The following EYA1 variants were observed in gnomAD, a reference collection of about 807,000 sequenced individuals.
EYA1 encodes the protein protein phosphatase EYA1.
Under a neutral mutation model 82.0 loss-of-function variants are expected in EYA1, and 16 were observed. The observed-to-expected ratio is 0.20, with a 90% CI of 0.13 to 0.30. The LOEUF is 0.30. Ranked by LOEUF, EYA1 falls within the 10% of genes least tolerant of loss-of-function variation. The pLI is 1.00. For missense variants in EYA1, 633 were observed against 730.7 expected, an observed-to-expected ratio of 0.87 and a Z score of 1.54; for synonymous variants, 261 against 264.4, an observed-to-expected ratio of 0.99 and a Z score of 0.12.
chr8:71,429,618 G>T (rs145425030), intron 2 of EYA1, among the ~76,000 whole-genome samples: 11 of 151,900 alleles, frequency 7.2e-5, no homozygotes, highest in Non-Finnish European at 1.5e-4. Flanking sequence ...AAAAACAAAG[G>T]CTTACTCAGA....
intron 2 of EYA1, among the ~76,000 whole-genome samples, chr8:71,405,302 A>G (rs555887077): frequency 3.3e-5 from 5 of 152,330 alleles, no homozygotes; most frequent in African/African-American, 1.2e-4. Flanking sequence ...ATGATTGCTC[A>G]AGACCCTTCA....
chr8:71,285,558 C>T (rs1006528222), intron 9 of EYA1, among the ~76,000 whole-genome samples: 1 of 152,138 alleles, frequency 6.6e-6, no homozygotes, highest in Admixed American at 6.5e-5. Context: ...GAATAACAGG[C>T]CTGCCTATTC....
At chr8:71,503,286 G>C (rs1490691021) in intron 2 of EYA1, among the ~76,000 whole-genome samples, 2 of 151,942 alleles carry the variant, frequency 1.3e-5, no homozygotes, top group African/African-American at 2.4e-5. Context: ...ACGAGGTCAA[G>C]GGTTCGAGAA....
At chr8:71,202,248 T>TTA (rs1754837160) in intron 17 of EYA1, among the ~76,000 whole-genome samples, 1 of 147,638 alleles carries the variant, frequency 6.8e-6, no homozygotes, top group Admixed American at 6.7e-5. Context: ...AAAAGGGAAC[T>TTA]AAAAAAAAAA....
chr8:71,255,434 T>A (rs1814286843), intron 11 of EYA1, among the ~76,000 whole-genome samples: 2 of 152,136 alleles, frequency 1.3e-5, no homozygotes, highest in South Asian at 4.1e-4. Flanking sequence ...AGACCAGAAA[T>A]AAGCCCTCAC....
At chr8:71,236,367 T>A (rs1811834456) in intron 12 of EYA1, among the ~76,000 whole-genome samples, 1 of 152,180 alleles carries the variant, frequency 6.6e-6, no homozygotes, top group African/African-American at 2.4e-5. Flanking sequence ...GCCATACATG[T>A]TGAAGAGGTA....
chr8:71,400,930 T>C (rs932317647), intron 2 of EYA1, among the ~76,000 whole-genome samples: 4 of 152,152 alleles, frequency 2.6e-5, no homozygotes, highest in Non-Finnish European at 5.9e-5. Context: ...ATGTGGTACG[T>C]ATACACCATG....
At chr8:71,346,162 G>A (rs1377049521) in intron 3 of EYA1, among the ~76,000 whole-genome samples, 2 of 151,990 alleles carry the variant, frequency 1.3e-5, no homozygotes, top group African/African-American at 2.4e-5. Flanking sequence ...TCACCAGCAT[G>A]CGTCCCCACA....
intron 2 of EYA1, among the ~76,000 whole-genome samples, chr8:71,494,625 G>A (rs1035878449): frequency 9.9e-5 from 15 of 152,128 alleles, no homozygotes; most frequent in African/African-American, 3.1e-4. Context: ...TAATTTGCTC[G>A]GTTTCAAAAG....
chr8:71,545,879 C>T (rs868452148), intron 1 of EYA1, among the ~76,000 whole-genome samples: 4 of 152,186 alleles, frequency 2.6e-5, no homozygotes, highest in Middle Eastern at 6.8e-3. Flanking sequence ...TATCTTAATT[C>T]GCACTTTTCT....
intron 2 of EYA1, among the ~76,000 whole-genome samples, chr8:71,384,749 G>C (rs1316464109): frequency 6.6e-6 from 1 of 152,090 alleles, no homozygotes; most frequent in Non-Finnish European, 1.5e-5. Flanking sequence ...TCTTAGAAAG[G>C]CAAAAGGCAA....
intron 9 of EYA1, among the ~76,000 whole-genome samples, chr8:71,283,156 G>A (rs561708710): frequency 6.6e-6 from 1 of 152,018 alleles, no homozygotes; most frequent in East Asian, 1.9e-4. Flanking sequence ...AGGCTCCAAT[G>A]CCTTATGGGA....
At chr8:71,455,334 G>A (rs1209825273) in intron 2 of EYA1, among the ~76,000 whole-genome samples, 1 of 152,196 alleles carries the variant, frequency 6.6e-6, no homozygotes, top group Non-Finnish European at 1.5e-5. Flanking sequence ...GAGGTACAAG[G>A]AGGAGCTGGT....
At chr8:71,451,828 AG>A (rs1807403510) in intron 2 of EYA1, among the ~76,000 whole-genome samples, 2 of 152,208 alleles carry the variant, frequency 1.3e-5, no homozygotes, top group African/African-American at 4.8e-5. Flanking sequence ...TCCAGTCTAC[AG>A]CTCCCAGTGT....
At chr8:71,202,669 G>C (rs1807196550) in intron 17 of EYA1, among the ~76,000 whole-genome samples, 2 of 152,282 alleles carry the variant, frequency 1.3e-5, no homozygotes, top group South Asian at 2.1e-4. Flanking sequence ...GCAAATCTTA[G>C]GTGTACATGA....
intron 2 of EYA1, among the ~76,000 whole-genome samples, chr8:71,391,289 TTTC>T (rs1390057435): frequency 6.6e-6 from 1 of 152,142 alleles, no homozygotes; most frequent in Non-Finnish European, 1.5e-5. Flanking sequence ...AGCCAAAAAT[TTTC>T]TTCTTTTGTT....
intron 2 of EYA1, chr8:71,404,880 T>G (rs1253178806): frequency 7.7e-6 from 1 of 130,180 alleles, no homozygotes; most frequent in African/African-American, 3.1e-5. Context: ...ATTGCGCCAG[T>G]GCACTCCAGC....
chr8:71,426,543 G>A lies in EYA1; in HGVS notation c.34-70032C>T, dbSNP rs556972049. ...CCTCTGGCCAGTTCCTGGCCTAACCGGAGGGCTGTTCTTGGGAGCATTCGT... is the reference window on the plus strand; with the variant it reads ...CCTCTGGCCAGTTCCTGGCCTAACCAGAGGGCTGTTCTTGGGAGCATTCGT... On this transcript the variant is annotated intron_variant, in intron 2 of 18. Coordinates refer to the EYA1 transcript ENST00000643681. Among the ~76,000 whole-genome samples, 81 of 152,360 alleles carry A rather than the reference G, an allele frequency of 5.3e-4. 1 individual carries two copies. Among genetic ancestry groups the A allele is most frequent in the African/African-American group, 1.9e-3 (78 of 41,594 alleles).
chr8:71,380,120 C>T (rs1432346392), intron 2 of EYA1, among the ~76,000 whole-genome samples: 1 of 152,200 alleles, frequency 6.6e-6, no homozygotes, highest in Non-Finnish European at 1.5e-5. Flanking sequence ...CCACTTCTCT[C>T]TCCTTGGATT....
Sources: allele counts gnomAD v4.1 joint callset (sites outside exome capture counted in the v4.1 genomes callset), GRCh38; gene constraint gnomAD v4.1.1; transcripts MANE v1.5; gene names NCBI Gene and HGNC (gene_info 2026-07-23, HGNC 2026-07-21).